G3BP1: variants seen among roughly 807,000 people sequenced by gnomAD.
G3BP1 encodes ras GTPase-activating protein-binding protein 1.
G3BP1 carries 35 observed loss-of-function variants against 58.6 expected under a neutral mutation model. The observed-to-expected ratio is 0.60, with a 90% CI of 0.46 to 0.79. G3BP1 has a LOEUF of 0.79. Among genes scored for constraint, G3BP1 ranks in the 30% least tolerant of loss-of-function variants. The pLI, the probability that G3BP1 is intolerant of heterozygous loss-of-function variation, is 0.00. For missense variants in G3BP1, 523 were observed against 580.8 expected, an observed-to-expected ratio of 0.90 and a Z score of 1.02; for synonymous variants, 191 against 195.4, an observed-to-expected ratio of 0.98 and a Z score of 0.19.
chr5:151,773,105 G>C (rs1762302469), intron 1 of G3BP1, among the ~76,000 whole-genome samples: 2 of 152,250 alleles, frequency 1.3e-5, no homozygotes, highest in Admixed American at 6.5e-5. Context: ...TCAGATTGCT[G>C]ATGGGAAATT....
intron 6 of G3BP1, among the ~76,000 whole-genome samples, chr5:151,796,014 A>G (rs1310600818): frequency 8.5e-5 from 13 of 152,218 alleles, no homozygotes; most frequent in African/African-American, 2.7e-4. Context: ...TAAGTGCATC[A>G]TTATACCTTT....
At chr5:151,792,234 A>G in intron 4 of G3BP1, 1 of 319,188 alleles carries the variant, frequency 3.1e-6, no homozygotes, top group Non-Finnish European at 6.3e-6. Flanking sequence ...GCATGTATAT[A>G]GAAATGGCAT....
At chr5:151,784,439 A>T (rs183904595) in intron 1 of G3BP1, among the ~76,000 whole-genome samples, 2 of 152,354 alleles carry the variant, frequency 1.3e-5, no homozygotes, top group East Asian at 3.9e-4. Context: ...CTCTGCTAGT[A>T]TAAAATTCTA....
Position 151,800,856 on chromosome 5 carries a change from T to A in G3BP1, c.1181T>A (p.Val394Asp), listed in dbSNP as rs762726196. The A allele has an allele frequency of 5.1e-6, 8 of 1,578,824 alleles. No individual in the cohort carries two copies. The highest frequency in any genetic ancestry group is 3.3e-5 in the South Asian group (3 of 90,350). The change falls in exon 11 of 12, where the codon GTC (valine) becomes GAC (aspartate). Residue 394 changes from valine (V) to aspartate (D), a missense_variant. Transcript: ENST00000356245. ...GATGATTCTGAGCCTGTTCAGAAAG[T>A]CCTTAGCAACAGGGTAAGCAGCTTT... is the stretch of plus-strand genomic sequence containing the variant. ...VFDDSEPVQK[V>D]LSNRPIMFRG...
At chr5:151,774,539 A>T (rs1441247782) in intron 1 of G3BP1, among the ~76,000 whole-genome samples, 1 of 151,798 alleles carries the variant, frequency 6.6e-6, no homozygotes, top group Non-Finnish European at 1.5e-5. Context: ...TATTTTTGTC[A>T]GTCTGATAAA....
chr5:151,797,136 T>A (rs957826578), intron 6 of G3BP1, 91 bp from the exon 7 acceptor site: 2 of 1,245,596 alleles, frequency 1.6e-6, no homozygotes, highest in Non-Finnish European at 2.3e-6. Context: ...GAGCTAACTC[T>A]GTGTTCTGGT....
chr5:151,774,217 G>A (rs1363590501), intron 1 of G3BP1, among the ~76,000 whole-genome samples: 5 of 152,194 alleles, frequency 3.3e-5, no homozygotes, highest in African/African-American at 1.2e-4. Flanking sequence ...AGGTAGAAAA[G>A]TAGACAGTTC....
In G3BP1 at chr5:151,811,025, A is replaced by G. The variant is rs1284232930; in HGVS notation, c.*6934A>G. On this transcript the variant is annotated 3_prime_UTR_variant, in exon 12 of 12. Transcript: ENST00000356245. ...CTTCTTTCAGTTCATGACATCATCCATGCTAAAGTCTGAGTCATCTGCTTC... is the reference window on the plus strand; with the variant it reads ...CTTCTTTCAGTTCATGACATCATCCGTGCTAAAGTCTGAGTCATCTGCTTC... The G allele has an allele frequency of 1.3e-5, 2 of 152,212 alleles. No homozygotes were observed. The highest frequency in any genetic ancestry group is 4.8e-5 in the African/African-American group (2 of 41,444). The allele number at this position is 152,212 out of a possible 1,614,324, so 9.4% of individuals were successfully genotyped here. A position where few individuals can be genotyped will look rare whatever the true frequency, so the allele number is the denominator to read the frequency against.
At chr5:151,785,204 T>C (rs945504997) in intron 1 of G3BP1, among the ~76,000 whole-genome samples, 2 of 152,216 alleles carry the variant, frequency 1.3e-5, no homozygotes, top group African/African-American at 2.4e-5. Flanking sequence ...GTTACTGATA[T>C]GCTCAATACA....
rs985109981 is a variant in G3BP1, at chr5:151,807,350, A to G, written c.*3259A>G. 7 of 152,150 alleles carry G rather than the reference A, an allele frequency of 4.6e-5. 1 individual carries two copies. Among genetic ancestry groups the G allele is most frequent in the Non-Finnish European group, 8.8e-5 (6 of 68,012 alleles). 9.4% of individuals were successfully genotyped at this position (152,150 alleles called of 1,614,324 possible). A position where few individuals can be genotyped will look rare whatever the true frequency, so the allele number is the denominator to read the frequency against. On this transcript the variant is annotated 3_prime_UTR_variant, in exon 12 of 12. Coordinates refer to ENST00000356245, the MANE Select transcript of G3BP1 (RefSeq NM_005754.3). The stretch of plus-strand genomic sequence containing the variant: ...CCCAAACTGATGCTTTTTCTCTAGA[A>G]CCATAATGCCCCCCTAATTACATTT...
At chr5:151,803,357 C>T (rs1488276662) in intron 11 of G3BP1, among the ~76,000 whole-genome samples, 2 of 152,060 alleles carry the variant, frequency 1.3e-5, no homozygotes, top group African/African-American at 4.8e-5. Flanking sequence ...AGTGCAGTGG[C>T]ACGACCTTGG....
chr5:151,776,016 G>T (rs1385054703), intron 1 of G3BP1, among the ~76,000 whole-genome samples: 1 of 152,166 alleles, frequency 6.6e-6, no homozygotes, highest in Non-Finnish European at 1.5e-5. Context: ...GTTAATGAAA[G>T]ACTTTATTTG....
chr5:151,781,032 T>A (rs763916299), intron 1 of G3BP1, among the ~76,000 whole-genome samples: 1 of 152,128 alleles, frequency 6.6e-6, no homozygotes, highest in South Asian at 2.1e-4. Flanking sequence ...TGGAAAATTT[T>A]TTTTGGAGAT....
chr5:151,790,110 C>CAAAA (rs759799755), intron 2 of G3BP1, among the ~76,000 whole-genome samples: 2 of 57,162 alleles, frequency 3.5e-5, no homozygotes, highest in Non-Finnish European at 7.8e-5. Flanking sequence ...TCAGCAAGAG[C>CAAAA]AAAAAAAAAA....
intron 2 of G3BP1, 31 bp from the exon 3 acceptor site, chr5:151,790,286 TTGAAGA>T (rs780552531): frequency 8.9e-7 from 1 of 1,129,582 alleles, no homozygotes; most frequent in Non-Finnish European, 1.3e-6. Flanking sequence ...CTTAAGATAC[TTGAAGA>T]TGACAAGTAA....
chr5:151,788,572 A>ATATG (rs1554080356), intron 2 of G3BP1, among the ~76,000 whole-genome samples: 16 of 133,330 alleles, frequency 1.2e-4, no homozygotes, highest in African/African-American at 4.2e-4. Context: ...CTAAGTTTAT[A>ATATG]TGTGTGTGTG....
intron 1 of G3BP1, among the ~76,000 whole-genome samples, chr5:151,774,079 C>G (rs1204543707): frequency 6.6e-6 from 1 of 152,158 alleles, no homozygotes; most frequent in Non-Finnish European, 1.5e-5. Context: ...TTATCAGGAA[C>G]AAGTGAATTG....
At chr5:151,788,269 C>T (rs973911695) in intron 2 of G3BP1, among the ~76,000 whole-genome samples, 65 of 152,098 alleles carry the variant, frequency 4.3e-4, no homozygotes, top group African/African-American at 1.5e-3. Context: ...TTACAAAAAT[C>T]TTTACTGAAA....
At position 151,810,874 on chromosome 5, in the gene G3BP1, G is replaced by A. The variant is rs1763008424; in HGVS notation, c.*6783G>A. ...GGGGGAGGAAGTCACTGGCCAGTTT[G>A]AGGTGCTTCCATTGGTCTGGGTAAC... is the stretch of plus-strand genomic sequence containing the variant. On this transcript the variant is annotated 3_prime_UTR_variant, in exon 12 of 12. Transcript: ENST00000356245. 6.6e-6 allele frequency: 1 copy of A among 152,252 alleles called. No homozygotes were observed. The highest frequency in any genetic ancestry group is 2.1e-4 in the South Asian group (1 of 4,834). The allele number at this position is 152,252 out of a possible 1,614,324, so 9.4% of individuals were successfully genotyped here. A position where few individuals can be genotyped will look rare whatever the true frequency, so the allele number is the denominator to read the frequency against.
Sources: gnomAD v4.1 joint callset for allele counts (sites outside exome capture counted in the v4.1 genomes callset) on GRCh38, gnomAD v4.1.1 for gene constraint, MANE v1.5 for transcripts, NCBI Gene and HGNC (gene_info 2026-07-23, HGNC 2026-07-21) for gene names.